The following DYNC2LI1 variants were observed in gnomAD, a reference collection of about 807,000 sequenced individuals.
DYNC2LI1 encodes the protein cytoplasmic dynein 2 light intermediate chain 1.
Under a neutral mutation model 51.9 loss-of-function variants are expected in DYNC2LI1, and 45 were observed. That is an observed-to-expected ratio of 0.87 (90% CI 0.68 to 1.11). The LOEUF (loss-of-function observed/expected upper bound fraction) is 1.11, where lower values mean the gene tolerates loss of function less well. DYNC2LI1 is among the 50% of genes most tolerant of loss of function. The probability of loss-of-function intolerance (pLI) is 0.00; values close to 1 mark genes in which losing one functional copy is unlikely to be tolerated. For synonymous variants in DYNC2LI1, 130 were observed against 137.8 expected, an observed-to-expected ratio of 0.94 and a Z score of 0.40; for missense variants, 490 against 417.4, an observed-to-expected ratio of 1.17 and a Z score of -1.51.
the DYNC2LI1 span, among the ~76,000 whole-genome samples, chr2:43,821,415 A>G: frequency 3.3e-5 from 5 of 152,036 alleles, no homozygotes; most frequent in African/African-American, 1.2e-4. Flanking sequence ...TGCATCACTC[A>G]CCATGTCTTG....
rs746305499 is a variant in DYNC2LI1 at position 43,783,531 on chromosome 2, T to C, written c.138T>C (p.Thr46=). ...TTTTTAATTTCCAGGGAAAGACTAC[T>C]ATTATTCTAAGGTGTCTTGACAGGT... ...FIGSKNGGKT[T]IILRCLDRDE... The change falls in exon 3 of 13, where the codon ACT becomes ACC. Residue 46 remains threonine, a synonymous_variant. Coordinates refer to ENST00000260605, the MANE Select transcript of DYNC2LI1 (RefSeq NM_016008.4). 11 of 1,533,122 alleles carry C rather than the reference T, an allele frequency of 7.2e-6. No individual in the cohort carries two copies. Among genetic ancestry groups the C allele is most frequent in the Middle Eastern group, 1.7e-4 (1 of 5,846 alleles). 95.0% of individuals were successfully genotyped at this position (1,533,122 alleles called of 1,614,324 possible).
intron 3 of DYNC2LI1, among the ~76,000 whole-genome samples, chr2:43,786,429 G>A (rs951840222): frequency 2.0e-5 from 3 of 151,898 alleles, no homozygotes; most frequent in East Asian, 1.9e-4. Context: ...CAATTTACTC[G>A]CCTCAGCCTC....
downstream of DYNC2LI1, chr2:43,813,186 G>C (rs772295351): frequency 7.8e-5 from 122 of 1,571,012 alleles, no homozygotes; most frequent in Non-Finnish European, 1.0e-4. Context: ...TGGAATAAAT[G>C]AATACAAAAT....
the DYNC2LI1 span, chr2:43,827,937 G>C: frequency 2.8e-4 from 446 of 1,611,662 alleles, 5 homozygotes; most frequent in South Asian, 4.6e-3. Flanking sequence ...CACACACACA[G>C]AAGATGCCCA....
the DYNC2LI1 span, among the ~76,000 whole-genome samples, chr2:43,816,703 C>G: frequency 6.6e-6 from 1 of 152,062 alleles, no homozygotes; most frequent in East Asian, 1.9e-4. Context: ...GACACCACAC[C>G]CACCTAATTC....
intron 3 of DYNC2LI1, among the ~76,000 whole-genome samples, chr2:43,784,785 T>G (rs996625559): frequency 2.0e-5 from 3 of 152,120 alleles, no homozygotes; most frequent in Admixed American, 2.0e-4. Flanking sequence ...AAAAGGTTAA[T>G]TTTCTAAAAT....
intron 8 of DYNC2LI1, among the ~76,000 whole-genome samples, chr2:43,800,431 A>C (rs1666035357): frequency 6.6e-6 from 1 of 152,192 alleles, no homozygotes; most frequent in African/African-American, 2.4e-5. Context: ...GCTACTTTTG[A>C]GGTATACCTC....
intron 12 of DYNC2LI1, among the ~76,000 whole-genome samples, chr2:43,808,251 G>C (rs1294980567): frequency 7.5e-6 from 1 of 133,956 alleles, no homozygotes; most frequent in Non-Finnish European, 1.6e-5. Flanking sequence ...AGAATCCAAT[G>C]AGGAAGTTAA....
chr2:43,812,769 A>C, downstream of DYNC2LI1: 1 of 252,020 alleles, frequency 4.0e-6, no homozygotes, highest in East Asian at 9.4e-5. Flanking sequence ...ATCCAATGTA[A>C]ACATATTTTT....
chr2:43,774,288 A>C, intron 1 of DYNC2LI1, 142 bp downstream of exon 1: 1 of 1,080,922 alleles, frequency 9.3e-7, no homozygotes, highest in Non-Finnish European at 1.3e-6. Flanking sequence ...CCTAGGAATC[A>C]GCCTTGAGCA....
intron 1 of DYNC2LI1, among the ~76,000 whole-genome samples, chr2:43,776,199 G>C (rs768260442): frequency 1.3e-5 from 2 of 151,526 alleles, no homozygotes; most frequent in Admixed American, 1.3e-4. Context: ...TAATTTATTA[G>C]TAGTAGTAGT....
chr2:43,824,009 T>G, the DYNC2LI1 span: 1,282 of 1,614,186 alleles, frequency 7.9e-4, 8 homozygotes, highest in African/African-American at 0.016. Flanking sequence ...TTTAGCACAT[T>G]GCTTCGGACC....
At chr2:43,825,064 G>A in the DYNC2LI1 span, 2,144 of 1,605,408 alleles carry the variant, frequency 1.3e-3, 28 homozygotes, top group East Asian at 0.033. Context: ...CAAGGGTAGC[G>A]ATGCACTTTG....
intron 3 of DYNC2LI1, 101 bp downstream of exon 3, chr2:43,783,655 C>A (rs1038069471): frequency 6.0e-6 from 4 of 667,940 alleles, no homozygotes; most frequent in South Asian, 3.2e-5. Flanking sequence ...ATTTTGAGAC[C>A]CAAACAAAAT....
chr2:43,817,250 C>A, the DYNC2LI1 span, among the ~76,000 whole-genome samples: 1 of 152,076 alleles, frequency 6.6e-6, no homozygotes, highest in Non-Finnish European at 1.5e-5. Flanking sequence ...CTTGGGAGGC[C>A]GAGGCAGGGA....
rs569153591 is a variant in DYNC2LI1 at position 43,785,646 on chromosome 2, A to G, written c.162-1535A>G. Among the ~76,000 whole-genome samples, 194 of 152,220 alleles carry G rather than the reference A, an allele frequency of 1.3e-3. 1 individual carries two copies. The highest frequency in any genetic ancestry group is 4.4e-3 in the African/African-American group (184 of 41,540). On this transcript the variant is annotated intron_variant, in intron 3 of 12. Transcript: ENST00000260605. The stretch of plus-strand genomic sequence containing the variant: ...GTCCTTGGGAGGCTGAGGCATGGGA[A>G]TCACTTGAACCTGGGAGGCAGAGGT...
At chr2:43,822,485 C>G in the DYNC2LI1 span, 10 of 925,962 alleles carry the variant, frequency 1.1e-5, no homozygotes, top group Admixed American at 6.2e-5. Context: ...CAGGCCCCCC[C>G]CCATGCACCT....
At chr2:43,823,054 T>C in the DYNC2LI1 span, 1 of 1,394,752 alleles carries the variant, frequency 7.2e-7, no homozygotes. Context: ...GCTAGGGGGG[T>C]TCCCTAGTCA....
intron 6 of DYNC2LI1, 168 bp downstream of exon 6, chr2:43,794,811 C>A: frequency 6.8e-7 from 1 of 1,470,634 alleles, no homozygotes; most frequent in Non-Finnish European, 9.0e-7. Context: ...TCAGTAAGAG[C>A]AAAACAAGGA....
Sources: gnomAD v4.1 joint callset for allele counts (sites outside exome capture counted in the v4.1 genomes callset) on GRCh38, gnomAD v4.1.1 for gene constraint, MANE v1.5 for transcripts, NCBI Gene and HGNC (gene_info 2026-07-23, HGNC 2026-07-21) for gene names.